TASP1: variants seen among roughly 807,000 people sequenced by gnomAD.
The protein encoded by TASP1 is threonine aspartase 1.
TASP1 carries 16 observed loss-of-function variants against 56.6 expected under a neutral mutation model. The ratio of observed to expected loss-of-function variants is 0.28; its 90% CI spans 0.19 to 0.43. TASP1 has a LOEUF of 0.43. Among genes scored for constraint, TASP1 ranks in the 20% least tolerant of loss-of-function variants. The pLI, the probability that TASP1 is intolerant of heterozygous loss-of-function variation, is 1.00. For missense variants in TASP1, 393 were observed against 511.6 expected (o/e 0.77, Z 2.24); for synonymous variants, 179 against 184.2 (o/e 0.97, Z 0.23).
At chr20:13,364,594 G>A in the TASP1 span, among the ~76,000 whole-genome samples, 6 of 152,060 alleles carry the variant, frequency 3.9e-5, no homozygotes, top group South Asian at 4.2e-4. Flanking sequence ...GTGCCTGCCC[G>A]TAGGCCTAAG....
chr20:13,345,495 TG>T, the TASP1 span, among the ~76,000 whole-genome samples: 1 of 152,148 alleles, frequency 6.6e-6, no homozygotes, highest in African/African-American at 2.4e-5. Context: ...CATGGGGGAC[TG>T]GGGGGAAATT....
chr20:13,127,433 C>T, the TASP1 span, among the ~76,000 whole-genome samples: 2 of 152,134 alleles, frequency 1.3e-5, no homozygotes. Context: ...TTATCCTGGC[C>T]ACTGGACTGT....
intron 7 of TASP1, among the ~76,000 whole-genome samples, chr20:13,562,114 T>C (rs2046362793): frequency 6.6e-6 from 1 of 152,156 alleles, no homozygotes; most frequent in Non-Finnish European, 1.5e-5. Flanking sequence ...TACAACAGGA[T>C]GGAGTTAGAA....
At chr20:13,545,669 T>C (rs914439310) in intron 8 of TASP1, among the ~76,000 whole-genome samples, 1 of 151,886 alleles carries the variant, frequency 6.6e-6, no homozygotes, top group African/African-American at 2.4e-5. Flanking sequence ...TATCTTACAA[T>C]GGAACACACA....
At chr20:13,621,113 C>A (rs1394895388) in intron 4 of TASP1, among the ~76,000 whole-genome samples, 1 of 152,122 alleles carries the variant, frequency 6.6e-6, no homozygotes, top group Non-Finnish European at 1.5e-5. Flanking sequence ...AATTGAAATT[C>A]TTCCACAAAT....
At chr20:13,594,207 A>G (rs1384667109) in intron 4 of TASP1, among the ~76,000 whole-genome samples, 1 of 152,234 alleles carries the variant, frequency 6.6e-6, no homozygotes, top group Admixed American at 6.5e-5. Context: ...ATCCACACCA[A>G]AAACCCCATC....
In TASP1 at chr20:13,498,973, C is replaced by A. The variant is rs1327829192; in HGVS notation, c.875-15636G>T. ...GCAATCCCATTACCAAGTATATACC[C>A]AAAGGAAAATAAAGTATGCTACAAA... On this transcript the variant is annotated intron_variant, in intron 10 of 13. Transcript: ENST00000337743. Among the ~76,000 whole-genome samples, 4 of 151,916 alleles carry A rather than the reference C, an allele frequency of 2.6e-5. No individual in the cohort carries two copies. The East Asian group carries it at 5.8e-4, about 22-fold the overall frequency.
At chr20:13,118,325 G>C in the TASP1 span, among the ~76,000 whole-genome samples, 7 of 151,536 alleles carry the variant, frequency 4.6e-5, no homozygotes, top group African/African-American at 1.7e-4. Context: ...TACACCATAG[G>C]TCAAATCCTG....
At chr20:13,320,886 G>A in the TASP1 span, among the ~76,000 whole-genome samples, 171 of 152,264 alleles carry the variant, frequency 1.1e-3, 1 homozygote, top group African/African-American at 3.8e-3. Flanking sequence ...ACAGTGAGTT[G>A]CATGAGGTGA....
intron 8 of TASP1, among the ~76,000 whole-genome samples, chr20:13,539,504 CA>C (rs1342311963): frequency 6.6e-6 from 1 of 152,154 alleles, no homozygotes; most frequent in Admixed American, 6.5e-5. Flanking sequence ...GAGCAATCGT[CA>C]CACCACTGCA....
the TASP1 span, among the ~76,000 whole-genome samples, chr20:13,281,866 A>G: frequency 6.6e-6 from 1 of 152,228 alleles, no homozygotes; most frequent in African/African-American, 2.4e-5. Context: ...ACCTGGCATC[A>G]GAATCATTCA....
chr20:13,582,370 TTTATAAG>T (rs1343934025), intron 5 of TASP1, among the ~76,000 whole-genome samples: 2 of 150,736 alleles, frequency 1.3e-5, no homozygotes, highest in Admixed American at 6.6e-5. Flanking sequence ...ATAAATTGGA[TTTATAAG>T]TTATAAGTTA....
At chr20:13,393,305 T>G in intron 13 of TASP1, 1 of 756,184 alleles carries the variant, frequency 1.3e-6, no homozygotes, top group East Asian at 2.7e-5. Flanking sequence ...CTGCATCTAC[T>G]GGCACTGCCA....
chr20:13,116,515 T>A, the TASP1 span, among the ~76,000 whole-genome samples: 4 of 152,202 alleles, frequency 2.6e-5, no homozygotes, highest in Non-Finnish European at 2.9e-5. Context: ...TTTAATTTTA[T>A]TTATTCATAG....
chr20:13,450,257 T>A (rs2043569220), intron 11 of TASP1, among the ~76,000 whole-genome samples: 1 of 152,096 alleles, frequency 6.6e-6, no homozygotes, highest in Non-Finnish European at 1.5e-5. Flanking sequence ...TGCCTCGATG[T>A]TGAAGGCTGC....
chr20:13,466,893 A>G (rs985645895), intron 11 of TASP1, among the ~76,000 whole-genome samples: 2 of 152,084 alleles, frequency 1.3e-5, no homozygotes, highest in African/African-American at 4.8e-5. Context: ...GTTTTTATAA[A>G]CCTAATCTCA....
the TASP1 span, among the ~76,000 whole-genome samples, chr20:13,224,841 CTTTTTTTTTT>C: frequency 9.3e-6 from 1 of 107,258 alleles, no homozygotes; most frequent in African/African-American, 3.7e-5. Flanking sequence ...AGCTTTCTTT[CTTTTTTTTTT>C]TTTTTTTTTT....
At chr20:13,313,771 A>C in the TASP1 span, among the ~76,000 whole-genome samples, 2 of 152,250 alleles carry the variant, frequency 1.3e-5, no homozygotes. Context: ...CAGTTTAAAG[A>C]AACAGAGCAA....
chr20:13,123,528 T>C, the TASP1 span, among the ~76,000 whole-genome samples: 1 of 152,148 alleles, frequency 6.6e-6, no homozygotes, highest in African/African-American at 2.4e-5. Context: ...CACACGGCAG[T>C]AAGTGGCAAA....
Sources: allele counts gnomAD v4.1 joint callset (sites outside exome capture counted in the v4.1 genomes callset), GRCh38; gene constraint gnomAD v4.1.1; transcripts MANE v1.5; gene names NCBI Gene and HGNC (gene_info 2026-07-23, HGNC 2026-07-21).